Variants in ARHGAP22 observed in about 807,000 individuals in gnomAD.
The protein encoded by ARHGAP22 is Rho GTPase activating protein 22.
ARHGAP22 carries 48 observed loss-of-function variants against 59.1 expected under a neutral mutation model. The observed-to-expected ratio is 0.81, with a 90% CI of 0.64 to 1.03. The LOEUF (loss-of-function observed/expected upper bound fraction) is 1.03, where lower values mean the gene tolerates loss of function less well. Among genes scored for constraint, ARHGAP22 ranks in the 50% least tolerant of loss-of-function variants. The pLI, the probability that ARHGAP22 is intolerant of heterozygous loss-of-function variation, is 0.00. For missense variants in ARHGAP22, 1,015 were observed against 958.7 expected (o/e 1.06, Z -0.78); for synonymous variants, 445 against 416.4 (o/e 1.07, Z -0.84).
intron 3 of ARHGAP22, among the ~76,000 whole-genome samples, chr10:48,512,088 C>G (rs915142995): frequency 1.3e-4 from 20 of 152,224 alleles, no homozygotes; most frequent in Admixed American, 3.3e-4. Flanking sequence ...TAGGCTGAAG[C>G]CACAATGGGG....
At chr10:48,480,517 T>A (rs4838603) in intron 3 of ARHGAP22, among the ~76,000 whole-genome samples, 141,835 of 152,268 alleles carry the variant, frequency 0.93, 66,935 homozygotes, top group East Asian at 1. Context: ...CCGACATCCC[T>A]GGACTATCTG....
At chr10:48,566,248 C>G (rs2058041706) in intron 2 of ARHGAP22, among the ~76,000 whole-genome samples, 1 of 152,198 alleles carries the variant, frequency 6.6e-6, no homozygotes, top group Non-Finnish European at 1.5e-5. Flanking sequence ...GGTTCCCTAT[C>G]TCTGTTAACT....
intron 3 of ARHGAP22, among the ~76,000 whole-genome samples, chr10:48,520,593 C>T (rs1025126410): frequency 1.3e-5 from 2 of 152,134 alleles, no homozygotes; most frequent in Non-Finnish European, 2.9e-5. Context: ...GCTTATGGAG[C>T]ATAGACAGGG....
At chr10:48,632,117 C>T (rs1441453835) in intron 1 of ARHGAP22, among the ~76,000 whole-genome samples, 2 of 152,180 alleles carry the variant, frequency 1.3e-5, no homozygotes, top group Non-Finnish European at 2.9e-5. Flanking sequence ...GTCCCTCAAC[C>T]TCCTCCCAAC....
intron 1 of ARHGAP22, among the ~76,000 whole-genome samples, chr10:48,648,861 T>A (rs1477458554): frequency 1.3e-5 from 2 of 151,906 alleles, no homozygotes; most frequent in African/African-American, 2.4e-5. Flanking sequence ...CAGAGGTAAG[T>A]GGCCTGGGCA....
intron 9 of ARHGAP22, among the ~76,000 whole-genome samples, chr10:48,447,477 C>T (rs943407000): frequency 7.2e-5 from 11 of 152,208 alleles, no homozygotes; most frequent in African/African-American, 2.7e-4. Context: ...AGCACAGCAC[C>T]TGGTACGTGG....
chr10:48,618,518 C>T (rs1470389857), intron 1 of ARHGAP22, among the ~76,000 whole-genome samples: 1 of 152,096 alleles, frequency 6.6e-6, no homozygotes, highest in Non-Finnish European at 1.5e-5. Context: ...GGATTTATCT[C>T]AGGGATGCAA....
At chr10:48,434,275 G>A in the ARHGAP22 span, among the ~76,000 whole-genome samples, 1 of 152,218 alleles carries the variant, frequency 6.6e-6, no homozygotes, top group African/African-American at 2.4e-5. Flanking sequence ...AGTGACAGTG[G>A]CATGTCCCAT....
intron 3 of ARHGAP22, among the ~76,000 whole-genome samples, chr10:48,520,159 G>A (rs1483586226): frequency 2.6e-5 from 4 of 152,200 alleles, no homozygotes; most frequent in African/African-American, 9.7e-5. Flanking sequence ...GTCTAATGAG[G>A]GGCTCTGGAT....
At chr10:48,642,377 T>G (rs995364080) in intron 1 of ARHGAP22, among the ~76,000 whole-genome samples, 1 of 152,218 alleles carries the variant, frequency 6.6e-6, no homozygotes, top group Non-Finnish European at 1.5e-5. Flanking sequence ...ATGGTACTGG[T>G]ACCGAAACAG....
chr10:48,524,891 A>G (rs1370629704), intron 3 of ARHGAP22, among the ~76,000 whole-genome samples: 1 of 152,218 alleles, frequency 6.6e-6, no homozygotes, highest in Non-Finnish European at 1.5e-5. Context: ...CTCTGTGCCC[A>G]GTTTCCCCAC....
chr10:48,641,634 T>C (rs919591887), intron 1 of ARHGAP22, among the ~76,000 whole-genome samples: 8 of 152,264 alleles, frequency 5.3e-5, no homozygotes, highest in Admixed American at 4.6e-4. Flanking sequence ...CCACAGCCAA[T>C]ATCATACTGA....
At chr10:48,646,970 A>G (rs1178094927) in intron 1 of ARHGAP22, among the ~76,000 whole-genome samples, 3 of 152,244 alleles carry the variant, frequency 2.0e-5, no homozygotes. Flanking sequence ...ACTAGGAGAA[A>G]ATTTAGGCAA....
chr10:48,547,114 AGTGTGTGGAAAATGGG>A (rs2056507453), intron 3 of ARHGAP22, among the ~76,000 whole-genome samples: 1 of 152,174 alleles, frequency 6.6e-6, no homozygotes, highest in East Asian at 1.9e-4. Context: ...GTCTGTTGAG[AGTGTGTGGAAAATGGG>A]CACAAACAGG....
At chr10:48,617,963 TAA>T (rs1249407730) in intron 1 of ARHGAP22, among the ~76,000 whole-genome samples, 1 of 151,544 alleles carries the variant, frequency 6.6e-6, no homozygotes, top group Admixed American at 6.6e-5. Flanking sequence ...GAAAAAGAAA[TAA>T]GACTCAAATA....
chr10:48,643,764 A>AAAAT (rs887902062), intron 1 of ARHGAP22, among the ~76,000 whole-genome samples: 4 of 144,268 alleles, frequency 2.8e-5, no homozygotes, highest in African/African-American at 1.0e-4. Context: ...AAAAAAAAAA[A>AAAAT]ATATATATAT....
At chr10:48,573,583 T>C (rs1353091871) in intron 2 of ARHGAP22, among the ~76,000 whole-genome samples, 1 of 152,272 alleles carries the variant, frequency 6.6e-6, no homozygotes, top group Non-Finnish European at 1.5e-5. Flanking sequence ...TTTCTAGATC[T>C]GCAACTTCCT....
intron 1 of ARHGAP22, among the ~76,000 whole-genome samples, chr10:48,620,128 A>C (rs2061232652): frequency 6.6e-6 from 1 of 152,242 alleles, no homozygotes; most frequent in African/African-American, 2.4e-5. Context: ...TCAAGCTATG[A>C]AAATACAGCT....
intron 3 of ARHGAP22, among the ~76,000 whole-genome samples, chr10:48,499,611 A>G (rs1468194932): frequency 1.3e-5 from 2 of 152,236 alleles, no homozygotes; most frequent in African/African-American, 4.8e-5. Flanking sequence ...CACCAACCAG[A>G]CAAGAGAAAG....
Sources: allele counts gnomAD v4.1 joint callset (sites outside exome capture counted in the v4.1 genomes callset), GRCh38; gene constraint gnomAD v4.1.1; transcripts MANE v1.5; gene names NCBI Gene and HGNC (gene_info 2026-07-23, HGNC 2026-07-21).